AGAP1: variants seen among roughly 807,000 people sequenced by gnomAD.
The protein encoded by AGAP1 is arf-GAP with GTPase, ANK repeat and PH domain-containing protein 1.
AGAP1 carries 29 observed loss-of-function variants against 105.3 expected under a neutral mutation model. That is an observed-to-expected ratio of 0.28 (90% confidence interval 0.21 to 0.38). The LOEUF (loss-of-function observed/expected upper bound fraction) is 0.38. Among genes scored for constraint, AGAP1 ranks in the 10% least tolerant of loss-of-function variants. The pLI is 1.00. For synonymous variants in AGAP1, 509 were observed against 485.9 expected (o/e 1.05, Z -0.63); for missense variants, 998 against 1,165.1 (o/e 0.86, Z 2.09).
intron 16 of AGAP1, among the ~76,000 whole-genome samples, chr2:236,074,235 C>T (rs943008437): frequency 4.6e-5 from 7 of 152,084 alleles, no homozygotes; most frequent in African/African-American, 2.4e-5. Context: ...CTCCTAACAT[C>T]AGTACCCTCT....
intron 16 of AGAP1, among the ~76,000 whole-genome samples, chr2:236,097,876 C>T (rs1461407250): frequency 6.6e-6 from 1 of 152,164 alleles, no homozygotes; most frequent in Non-Finnish European, 1.5e-5. Flanking sequence ...AATGACGACT[C>T]CCGACTCCCG....
intron 9 of AGAP1, among the ~76,000 whole-genome samples, chr2:235,832,073 T>A (rs1326979617): frequency 6.6e-6 from 1 of 152,220 alleles, no homozygotes; most frequent in African/African-American, 2.4e-5. Context: ...ATGTGGAGCA[T>A]CTTTTCATGT....
intron 1 of AGAP1, among the ~76,000 whole-genome samples, chr2:235,583,463 T>G (rs539372552): frequency 6.6e-6 from 1 of 152,072 alleles, no homozygotes; most frequent in East Asian, 1.9e-4. Flanking sequence ...GGCCGGTGGT[T>G]GTTGGCCTGA....
At position 235,882,673 on chromosome 2, in the gene AGAP1, C is replaced by T. The variant is rs2050088236; in HGVS notation, c.1051-672C>T. ...GAGACAGGGTTTCACCAATATTGGC[C>T]ATGGTTGGCCAGGCTGGCCTCAAAC... On this transcript the variant is annotated intron_variant, in intron 9 of 17. Coordinates refer to ENST00000304032, the MANE Select transcript of AGAP1 (RefSeq NM_001037131.3). This position sits in a 1 kb window ranked among gnomAD's most constrained non-coding sequence, Gnocchi z 4.6. 6.6e-6 allele frequency among the ~76,000 whole-genome samples: 1 copy of T among 152,104 alleles called. No individual in the cohort carries two copies.
At chr2:235,852,798 C>A in intron 9 of AGAP1, 2 of 1,530,342 alleles carry the variant, frequency 1.3e-6, no homozygotes, top group South Asian at 1.2e-5. Flanking sequence ...CAGACCAGCC[C>A]GCATTGTGCT....
chr2:235,519,650 T>C (rs1942541644), intron 1 of AGAP1, among the ~76,000 whole-genome samples: 1 of 152,218 alleles, frequency 6.6e-6, no homozygotes, highest in Non-Finnish European at 1.5e-5. Flanking sequence ...TATTATTTTC[T>C]AGAGCTTACC....
At chr2:235,643,215 G>A (rs1947256267) in intron 1 of AGAP1, among the ~76,000 whole-genome samples, 1 of 151,804 alleles carries the variant, frequency 6.6e-6, no homozygotes, top group Admixed American at 6.6e-5. Flanking sequence ...GGTGGATCAC[G>A]AGGTCAGGAG....
chr2:235,867,536 AGTGTGTGTGTGTGTGT>A lies in AGAP1; in HGVS notation c.1051-15785_1051-15770del, dbSNP rs61257818. On this transcript the variant is annotated intron_variant, in intron 9 of 17. Coordinates refer to ENST00000304032, the MANE Select transcript of AGAP1 (RefSeq NM_001037131.3). The surrounding 1 kb of genome is among the most constrained non-coding windows in gnomAD (Gnocchi z 5.4). ...ATCATACACCTTATGCTGGTGCTGC[AGTGTGTGTGTGTGTGT>A]GTGTGTGTGTGTGTGTGTGTGTGCA... Among the ~76,000 whole-genome samples the A allele has an allele frequency of 1.1e-4, 14 of 123,240 alleles. No homozygotes were observed. The highest frequency in any genetic ancestry group is 4.6e-4 in the Admixed American group (5 of 10,868). 80.9% of individuals were successfully genotyped at this position (123,240 alleles called of 152,430 possible). A position where few individuals can be genotyped will look rare whatever the true frequency, so the allele number is the denominator to read the frequency against.
At position 235,631,588 on chromosome 2, in the gene AGAP1, G is replaced by A. The variant is rs114769348; in HGVS notation, c.164-77591G>A. ...CCTAGAGGACCTATTTCCTCTTGGTGCTCTTCTGCTTTTTGCTTCTTCCCT... is the reference window on the plus strand; with the variant it reads ...CCTAGAGGACCTATTTCCTCTTGGTACTCTTCTGCTTTTTGCTTCTTCCCT... On this transcript the variant is annotated intron_variant, in intron 1 of 17. Transcript: ENST00000304032. The surrounding 1 kb of genome is among the most constrained non-coding windows in gnomAD (Gnocchi z 5.4). Among the ~76,000 whole-genome samples, 760 of 152,328 alleles carry A rather than the reference G, an allele frequency of 5.0e-3. 4 individuals are homozygous for A. Among genetic ancestry groups the A allele is most frequent in the African/African-American group, 0.018 (736 of 41,578 alleles).
intron 1 of AGAP1, among the ~76,000 whole-genome samples, chr2:235,706,509 G>A (rs62189244): frequency 0.026 from 3,924 of 152,022 alleles, 78 homozygotes; most frequent in Non-Finnish European, 0.039. Flanking sequence ...CTGAGCCACC[G>A]CGCCCGGCCA....
rs1946099341 is a variant in AGAP1, at chr2:235,610,747, A to T, written c.164-98432A>T. ...TGCTCCCGTGAGCTCCCTGCCCTGG[A>T]GTGGAAACCCTGGGCTGGGGAGGAG... On this transcript the variant is annotated intron_variant, in intron 1 of 17. Transcript: ENST00000304032. The surrounding 1 kb of genome is among the most constrained non-coding windows in gnomAD (Gnocchi z 4.9). Among the ~76,000 whole-genome samples the T allele has an allele frequency of 1.3e-5, 2 of 152,072 alleles. No individual in the cohort carries two copies. The highest frequency in any genetic ancestry group is 3.9e-4 in the East Asian group (2 of 5,142).
intron 6 of AGAP1, among the ~76,000 whole-genome samples, chr2:235,765,801 A>G (rs540764799): frequency 3.3e-5 from 5 of 152,290 alleles, no homozygotes; most frequent in African/African-American, 1.2e-4. Context: ...AAAAATATTG[A>G]ACACCAACAT....
chr2:235,763,317 A>C (rs1017873134), intron 6 of AGAP1, among the ~76,000 whole-genome samples: 8 of 152,160 alleles, frequency 5.3e-5, no homozygotes, highest in African/African-American at 1.9e-4. Flanking sequence ...AAAAAAATTA[A>C]AACACCCTGG....
chr2:236,099,235 G>A (rs1458687105), intron 16 of AGAP1, among the ~76,000 whole-genome samples: 3 of 152,032 alleles, frequency 2.0e-5, no homozygotes, highest in Non-Finnish European at 2.9e-5. Context: ...GGCGGATCAT[G>A]AGGTCAGGAG....
At position 235,934,740 on chromosome 2, in the gene AGAP1, G is replaced by A. The variant is rs181316815; in HGVS notation, c.1483+3817G>A. On this transcript the variant is annotated intron_variant, in intron 12 of 17. Coordinates refer to ENST00000304032, the MANE Select transcript of AGAP1 (RefSeq NM_001037131.3). This position sits in a 1 kb window ranked among gnomAD's most constrained non-coding sequence, Gnocchi z 4.9. ...AGTCTTTGGTTTGGATTTCAGAGTCGCTTACTCTGTGCTGGCAGCAGGAAT... is the reference window on the plus strand; with the variant it reads ...AGTCTTTGGTTTGGATTTCAGAGTCACTTACTCTGTGCTGGCAGCAGGAAT... Among the ~76,000 whole-genome samples, 34 of 151,936 alleles carry A rather than the reference G, an allele frequency of 2.2e-4. No individual in the cohort carries two copies. Among genetic ancestry groups the A allele is most frequent in the Admixed American group, 1.9e-3 (29 of 15,252 alleles).
intron 16 of AGAP1, among the ~76,000 whole-genome samples, chr2:236,118,673 G>A (rs1208581057): frequency 6.6e-6 from 1 of 152,138 alleles, no homozygotes; most frequent in Non-Finnish European, 1.5e-5. Flanking sequence ...ACAGGCATGA[G>A]CCACTGCGCC....
rs2054462656 is a variant in AGAP1 at position 235,967,641 on chromosome 2, CTT to C, written c.1484-818_1484-817del. Among the ~76,000 whole-genome samples, 12 of 152,328 alleles carry C rather than the reference CTT, an allele frequency of 7.9e-5. No individual in the cohort carries two copies. The South Asian group carries it at 2.5e-3, about 32-fold the overall frequency. On this transcript the variant is annotated intron_variant, in intron 12 of 17. Transcript: ENST00000304032. The surrounding 1 kb of genome is among the most constrained non-coding windows in gnomAD (Gnocchi z 4.7). The stretch of plus-strand genomic sequence containing the variant: ...AAGATGCTGAATCGTGAAATAAAAA[CTT>C]TTCAAGACGCCGTAGGCATGCACCA...
chr2:235,816,519 G>A (rs1054741580), intron 9 of AGAP1, among the ~76,000 whole-genome samples: 1 of 151,536 alleles, frequency 6.6e-6, no homozygotes, highest in Non-Finnish European at 1.5e-5. Flanking sequence ...TCACCTTAAA[G>A]GTTAAAATCC....
rs914661632 is a variant in AGAP1, at chr2:236,038,453, C to T, written c.1800+1738C>T. 6.6e-6 allele frequency among the ~76,000 whole-genome samples: 1 copy of T among 152,172 alleles called. No homozygotes were observed. The highest frequency in any genetic ancestry group is 1.5e-5 in the Non-Finnish European group (1 of 68,036). ...ACACCTTGCCAGGCTCCTCCTGACT[C>T]GTGTCTCAGCTCATGCACACACCAG... On this transcript the variant is annotated intron_variant, in intron 14 of 17. Coordinates refer to ENST00000304032, the MANE Select transcript of AGAP1 (RefSeq NM_001037131.3). This position sits in a 1 kb window ranked among gnomAD's most constrained non-coding sequence, Gnocchi z 4.5.
Sources: allele counts gnomAD v4.1 joint callset (sites outside exome capture counted in the v4.1 genomes callset), GRCh38; gene constraint gnomAD v4.1.1; non-coding constraint Gnocchi (gnomAD v3.1); transcripts MANE v1.5; gene names NCBI Gene and HGNC (gene_info 2026-07-23, HGNC 2026-07-21).